Variants in SULF1 observed in about 807,000 individuals in gnomAD.
The protein encoded by SULF1 is extracellular sulfatase Sulf-1.
SULF1 carries 46 observed loss-of-function variants against 110.5 expected under a neutral mutation model. The ratio of observed to expected loss-of-function variants is 0.42; its 90% CI spans 0.33 to 0.53. The LOEUF (loss-of-function observed/expected upper bound fraction) is 0.53. SULF1 is among the 20% of genes least tolerant of loss of function. SULF1 has a pLI of 0.12. For missense variants in SULF1, 941 were observed against 1,094.2 expected, an observed-to-expected ratio of 0.86 and a Z score of 1.98; for synonymous variants, 371 against 387.1, an observed-to-expected ratio of 0.96 and a Z score of 0.49.
intron 9 of SULF1, among the ~76,000 whole-genome samples, chr8:69,601,000 G>A (rs1418639933): frequency 6.7e-6 from 1 of 150,282 alleles, no homozygotes; most frequent in Non-Finnish European, 1.5e-5. Flanking sequence ...AATCAAATCA[G>A]CGTAGATCAG....
intron 17 of SULF1, 104 bp from the exon 18 acceptor site, chr8:69,628,067 C>A: frequency 9.7e-7 from 1 of 1,026,950 alleles, no homozygotes; most frequent in Non-Finnish European, 1.5e-6. Flanking sequence ...ATACTTACAA[C>A]ATCACTGCCT....
At chr8:69,591,763 C>A (rs548893764) in intron 8 of SULF1, among the ~76,000 whole-genome samples, 3 of 152,150 alleles carry the variant, frequency 2.0e-5, no homozygotes, top group Non-Finnish European at 4.4e-5. Flanking sequence ...CTGGTACCCA[C>A]AGTCCAAACC....
At chr8:69,477,091 G>A (rs963648888) in intron 1 of SULF1, among the ~76,000 whole-genome samples, 3 of 152,098 alleles carry the variant, frequency 2.0e-5, no homozygotes, top group African/African-American at 7.2e-5. Flanking sequence ...TACATGTTAC[G>A]CTTTTAGATC....
intron 8 of SULF1, among the ~76,000 whole-genome samples, chr8:69,600,257 G>T (rs1419075725): frequency 6.6e-6 from 1 of 151,964 alleles, no homozygotes; most frequent in Non-Finnish European, 1.5e-5. Context: ...ATATTCCCTT[G>T]TACCTTACCG....
intron 3 of SULF1, among the ~76,000 whole-genome samples, chr8:69,533,928 A>G (rs1563505850): frequency 6.6e-6 from 1 of 152,248 alleles, no homozygotes; most frequent in Non-Finnish European, 1.5e-5. Context: ...GTTAAAAGGC[A>G]AATAATAGTC....
intron 5 of SULF1, among the ~76,000 whole-genome samples, chr8:69,573,571 A>C (rs1474205816): frequency 6.6e-6 from 1 of 152,168 alleles, no homozygotes; most frequent in African/African-American, 2.4e-5. Flanking sequence ...AGACTACTGG[A>C]CACTGAAAAG....
chr8:69,509,490 CTTG>C (rs750247789), intron 3 of SULF1, among the ~76,000 whole-genome samples: 106 of 152,284 alleles, frequency 7.0e-4, no homozygotes, highest in Non-Finnish European at 1.4e-3. Context: ...GTATTAGATA[CTTG>C]TTGTTGGAAT....
In SULF1 at chr8:69,627,293, A is replaced by G. The variant is rs1810155480; in HGVS notation, c.1934A>G (p.Tyr645Cys). 1 of 1,613,762 alleles carries G rather than the reference A, an allele frequency of 6.2e-7. No individual in the cohort carries two copies. Among genetic ancestry groups the G allele is most frequent in the Non-Finnish European group, 8.5e-7 (1 of 1,179,626 alleles). Residue 645 changes from tyrosine (Y) to cysteine (C), a missense_variant, in exon 16 of 23, where the codon TAC (tyrosine) becomes TGC (cysteine). Physicochemically the swap from Tyr to Cys is radical, Grantham distance 194 (BLOSUM62 -2). Coordinates refer to ENST00000402687, the MANE Select transcript of SULF1 (RefSeq NM_001128205.2). The stretch of plus-strand genomic sequence containing the variant: ...AGAGCGTGGAAGGACCATAAGGCAT[A>G]CATTGACAAAGAGGTTAGCCATGGC... The part of the protein sequence containing the change: ...SARAWKDHKA[Y>C]IDKEIEALQD...
chr8:69,511,327 A>G (rs115783773), intron 3 of SULF1, among the ~76,000 whole-genome samples: 1,523 of 152,250 alleles, frequency 0.01, 24 homozygotes, highest in African/African-American at 0.035. Flanking sequence ...CCATTCAATC[A>G]TGATTTGACA....
chr8:69,552,889 C>T (rs996982722), intron 3 of SULF1, among the ~76,000 whole-genome samples: 1 of 152,214 alleles, frequency 6.6e-6, no homozygotes, highest in African/African-American at 2.4e-5. Context: ...GAGGGGAAGG[C>T]AGATTTTTGT....
intron 3 of SULF1, among the ~76,000 whole-genome samples, chr8:69,533,523 A>G (rs913735560): frequency 3.3e-5 from 5 of 151,972 alleles, no homozygotes; most frequent in African/African-American, 9.7e-5. Flanking sequence ...CTGTTCCTGC[A>G]TTAGTTTGCT....
At chr8:69,648,147 A>T (rs557664913) in intron 22 of SULF1, among the ~76,000 whole-genome samples, 1 of 151,794 alleles carries the variant, frequency 6.6e-6, no homozygotes, top group South Asian at 2.1e-4. Context: ...CAGAAAAAAA[A>T]AAAAAACAAA....
chr8:69,481,978 T>A (rs1809536456), intron 1 of SULF1, among the ~76,000 whole-genome samples: 2 of 152,202 alleles, frequency 1.3e-5, no homozygotes, highest in South Asian at 4.1e-4. Context: ...ACTAAACTCT[T>A]AACAGCTGTA....
At chr8:69,600,877 A>AAGAG (rs565702556) in intron 9 of SULF1, 124 bp downstream of exon 9, 1 of 1,120,464 alleles carries the variant, frequency 8.9e-7, no homozygotes, top group Non-Finnish European at 1.3e-6. Context: ...GAGAGAAAGA[A>AAGAG]AGAGAGAGAG....
At chr8:69,520,148 C>G (rs1812198856) in intron 3 of SULF1, among the ~76,000 whole-genome samples, 1 of 150,552 alleles carries the variant, frequency 6.6e-6, no homozygotes, top group Admixed American at 6.6e-5. Flanking sequence ...CACACACACA[C>G]ACACACACAT....
chr8:69,594,311 A>G (rs1586498681), intron 8 of SULF1, among the ~76,000 whole-genome samples: 1 of 152,166 alleles, frequency 6.6e-6, no homozygotes, highest in South Asian at 2.1e-4. Flanking sequence ...TCAGGCTCCC[A>G]AAGTGCTGGG....
chr8:69,516,346 G>A (rs987487773), intron 3 of SULF1, among the ~76,000 whole-genome samples: 4 of 151,216 alleles, frequency 2.6e-5, no homozygotes, highest in Admixed American at 1.3e-4. Context: ...CATTGCTGAA[G>A]CAGGAGGAAG....
intron 2 of SULF1, among the ~76,000 whole-genome samples, chr8:69,501,665 A>G (rs1480935078): frequency 6.6e-6 from 1 of 152,234 alleles, no homozygotes; most frequent in Non-Finnish European, 1.5e-5. Context: ...GAAGCAGTCA[A>G]AATAGAAACT....
At chr8:69,606,186 C>T (rs544223050) in intron 13 of SULF1, among the ~76,000 whole-genome samples, 62 of 152,298 alleles carry the variant, frequency 4.1e-4, no homozygotes. Context: ...CCCTGCATTT[C>T]CTCATGCTTT....
Sources: allele counts gnomAD v4.1 joint callset (sites outside exome capture counted in the v4.1 genomes callset), GRCh38; gene constraint gnomAD v4.1.1; transcripts MANE v1.5; gene names NCBI Gene and HGNC (gene_info 2026-07-23, HGNC 2026-07-21).